GRAMD4: variants seen among roughly 807,000 people sequenced by gnomAD.
GRAMD4 encodes the protein GRAM domain-containing protein 4.
Under a neutral mutation model 83.9 loss-of-function variants are expected in GRAMD4, and 25 were observed. The observed-to-expected ratio is 0.30, with a 90% CI of 0.22 to 0.42. The LOEUF (loss-of-function observed/expected upper bound fraction) is 0.42, where lower values mean the gene tolerates loss of function less well. Ranked by LOEUF, GRAMD4 falls within the 10% of genes least tolerant of loss-of-function variation. The pLI, the probability that GRAMD4 is intolerant of heterozygous loss-of-function variation, is 1.00. For synonymous variants in GRAMD4, 336 were observed against 320.9 expected, an observed-to-expected ratio of 1.05 and a Z score of -0.50; for missense variants, 593 against 788.7, an observed-to-expected ratio of 0.75 and a Z score of 2.97.
At chr22:46,584,956 C>T (rs1272283393) in intron 1 of GRAMD4, among the ~76,000 whole-genome samples, 1 of 152,220 alleles carries the variant, frequency 6.6e-6, no homozygotes, top group East Asian at 1.9e-4. Flanking sequence ...CCAGGTCTGT[C>T]CCCTCTCTGC....
In GRAMD4 at chr22:46,658,451, C is replaced by T. The variant is rs191217532; in HGVS notation, c.404+144C>T. 6.0e-4 allele frequency: 467 copies of T among 772,892 alleles called. 9 individuals carry two copies. The East Asian group carries it at 0.012, about 20-fold the overall frequency. The allele number at this position is 772,892 out of a possible 1,614,324, so 47.9% of individuals were successfully genotyped here. ...AGAGGCCTGAGTGTGAGGGTGGGCC[C>T]GGCTCTGACTGCCCAGGTATAGGTC... is the stretch of plus-strand genomic sequence containing the variant. On this transcript the variant is annotated intron_variant, in intron 4 of 18. Coordinates refer to ENST00000406902, the MANE Select transcript of GRAMD4 (RefSeq NM_015124.5).
In GRAMD4 at chr22:46,679,285, G is replaced by A. The variant is rs2082642882; in HGVS notation, c.*2034G>A. 1.0e-6 allele frequency: 1 copy of A among 985,360 alleles called. No individual in the cohort carries two copies. The highest frequency in any genetic ancestry group is 4.7e-5 in the South Asian group (1 of 21,298). The allele number at this position is 985,360 out of a possible 1,614,324, so 61.0% of individuals were successfully genotyped here. On this transcript the variant is annotated 3_prime_UTR_variant, in exon 19 of 19. Coordinates refer to ENST00000406902, the MANE Select transcript of GRAMD4 (RefSeq NM_015124.5). Reference sequence around the variant, plus strand: ...GATGGGGCTTTACCAGCGTCGGGTGGTTTAGTTCGAGTCCCTTTTGTGGAG... The same window carrying A: ...GATGGGGCTTTACCAGCGTCGGGTGATTTAGTTCGAGTCCCTTTTGTGGAG...
At chr22:46,602,162 T>C (rs138197031) in intron 1 of GRAMD4, among the ~76,000 whole-genome samples, 7 of 152,320 alleles carry the variant, frequency 4.6e-5, no homozygotes, top group Admixed American at 1.3e-4. Context: ...TTTGCTGTCA[T>C]GAAAACGATG....
At position 46,658,277 on chromosome 22, in the gene GRAMD4, AGCAGAAGGT is replaced by A; in HGVS notation, c.379_387del (p.Lys127_Gln129del). The A allele has an allele frequency of 6.2e-7, 1 of 1,612,782 alleles. No individual in the cohort carries two copies. The highest frequency in any genetic ancestry group is 8.5e-7 in the Non-Finnish European group (1 of 1,179,750). Reference sequence around the variant, plus strand: ...GAGCGGCAGCGGCGGATGGAGCTGGAGCAGAAGGTGCAGGAGGTGCTGAAGGCCAGGTAC... The same window carrying A: ...GAGCGGCAGCGGCGGATGGAGCTGGAGCAGGAGGTGCTGAAGGCCAGGTAC... On this transcript the variant is annotated inframe_deletion, in exon 4 of 19. Coordinates refer to ENST00000406902, the MANE Select transcript of GRAMD4 (RefSeq NM_015124.5).
intron 1 of GRAMD4, among the ~76,000 whole-genome samples, chr22:46,587,616 G>A (rs2081163515): frequency 6.6e-6 from 1 of 151,966 alleles, no homozygotes; most frequent in Non-Finnish European, 1.5e-5. Context: ...CAGTGGGCTG[G>A]ATGGGGGTCA....
intron 1 of GRAMD4, among the ~76,000 whole-genome samples, chr22:46,609,347 G>A (rs1230369986): frequency 6.6e-6 from 1 of 152,228 alleles, no homozygotes; most frequent in African/African-American, 2.4e-5. Flanking sequence ...GGGTAGCCCT[G>A]TGTTGGGCTT....
chr22:46,598,931 G>A (rs546707678), intron 1 of GRAMD4, among the ~76,000 whole-genome samples: 1 of 152,048 alleles, frequency 6.6e-6, no homozygotes, highest in Non-Finnish European at 1.5e-5. Context: ...GAGCCGCCCT[G>A]CACCCAGAGG....
upstream of GRAMD4, among the ~76,000 whole-genome samples, chr22:46,576,838 C>T (rs1197019255): frequency 7.5e-5 from 11 of 146,848 alleles, no homozygotes; most frequent in Admixed American, 6.8e-4. Context: ...GCGCGGACGG[C>T]GTGGCCGTGG....
At position 46,672,752 on chromosome 22, in the gene GRAMD4, TG is replaced by T; in HGVS notation, c.1085-88del. 1.0e-6 allele frequency: 1 copy of T among 994,766 alleles called. No homozygotes were observed. The highest frequency in any genetic ancestry group is 1.5e-6 in the Non-Finnish European group (1 of 652,978). 61.6% of individuals were successfully genotyped at this position (994,766 alleles called of 1,614,324 possible). A position where few individuals can be genotyped will look rare whatever the true frequency, so the allele number is the denominator to read the frequency against. ...AGGCTCAGGGTGGAGGGTGCCAATCTGGGAGGTGGGAGGTGCCGGAACCATC... is the reference window on the plus strand; with the variant it reads ...AGGCTCAGGGTGGAGGGTGCCAATCTGGAGGTGGGAGGTGCCGGAACCATC... On this transcript the variant is annotated intron_variant, in intron 13 of 18. Transcript: ENST00000406902. This position sits in a 1 kb window ranked among gnomAD's most constrained non-coding sequence, Gnocchi z 4.7.
intron 1 of GRAMD4, among the ~76,000 whole-genome samples, chr22:46,595,070 C>G (rs2081248039): frequency 6.6e-6 from 1 of 152,100 alleles, no homozygotes; most frequent in Non-Finnish European, 1.5e-5. Flanking sequence ...GGCAAAGCAG[C>G]AGGAAAGTTG....
intron 10 of GRAMD4, 30 bp from the exon 11 acceptor site, chr22:46,668,066 T>C (rs199649952): frequency 1.5e-4 from 230 of 1,501,178 alleles, no homozygotes; most frequent in Non-Finnish European, 2.1e-4. Flanking sequence ...TAAATTTCAG[T>C]GGAAAATTCT....
In GRAMD4 at chr22:46,591,832, C is replaced by CAAAA. The variant is rs34868206; in HGVS notation, c.-50+14559_-50+14562dup. Reference sequence around the variant, plus strand: ...TGGGTGACAGAGCGAGACTCTGTCTCAAAAAAAAAAAAAAAAAAAACCCAG... The same window carrying CAAAA: ...TGGGTGACAGAGCGAGACTCTGTCTCAAAAAAAAAAAAAAAAAAAAAAAACCCAG... On this transcript the variant is annotated intron_variant, in intron 1 of 1. Transcript: ENST00000431155. Among the ~76,000 whole-genome samples the CAAAA allele has an allele frequency of 1.2e-3, 46 of 37,406 alleles. 1 individual carries two copies. The highest frequency in any genetic ancestry group is 6.1e-3 in the African/African-American group (40 of 6,600). The allele number at this position is 37,406 out of a possible 152,430, so 24.5% of individuals were successfully genotyped here. A position where few individuals can be genotyped will look rare whatever the true frequency, so the allele number is the denominator to read the frequency against.
chr22:46,631,202 A>G (rs550277824), intron 2 of GRAMD4, among the ~76,000 whole-genome samples: 3 of 152,374 alleles, frequency 2.0e-5, no homozygotes, highest in African/African-American at 7.2e-5. Context: ...GTCAGTGTGC[A>G]GTTCAGGGGC....
intron 1 of GRAMD4, among the ~76,000 whole-genome samples, chr22:46,605,574 A>G (rs1243861475): frequency 6.6e-6 from 1 of 152,274 alleles, no homozygotes; most frequent in African/African-American, 2.4e-5. Flanking sequence ...CAAACAGTGC[A>G]CAAGGGTTCC....
At position 46,677,207 on chromosome 22, in the gene GRAMD4, T is replaced by C. The variant is rs768645274; in HGVS notation, c.1693T>C (p.Tyr565His). Residue 565 changes from tyrosine (Y) to histidine (H), a missense_variant, in exon 19 of 19, where the codon TAC becomes CAC. Around this residue, in one of 4 missense-constraint regions of GRAMD4, gnomAD observed 74 missense variants for 152.7 expected, o/e 0.48. Coordinates refer to ENST00000406902, the MANE Select transcript of GRAMD4 (RefSeq NM_015124.5). ...DEAFETILSQ[Y>H]IKITSAAASG... is the part of the protein sequence containing the mutation. ...GGCCTTCGAGACCATTCTCAGCCAGTACATCAAGATCACCTCAGCGGCAGC... is the reference window on the plus strand; with the variant it reads ...GGCCTTCGAGACCATTCTCAGCCAGCACATCAAGATCACCTCAGCGGCAGC... The C allele has an allele frequency of 1.2e-6, 2 of 1,613,762 alleles. No homozygotes were observed. The highest frequency in any genetic ancestry group is 1.7e-6 in the Non-Finnish European group (2 of 1,179,886).
intron 1 of GRAMD4, among the ~76,000 whole-genome samples, chr22:46,582,934 T>A (rs953237510): frequency 6.6e-6 from 1 of 152,198 alleles, no homozygotes; most frequent in Non-Finnish European, 1.5e-5. Flanking sequence ...CTCTCTCTTT[T>A]GTCTTTTGAG....
chr22:46,623,243 C>T (rs1248169714), intron 1 of GRAMD4, among the ~76,000 whole-genome samples: 4 of 152,130 alleles, frequency 2.6e-5, no homozygotes, highest in South Asian at 4.2e-4. Flanking sequence ...TGGTGTGTGA[C>T]GTGTTTCCCC....
intron 1 of GRAMD4, among the ~76,000 whole-genome samples, chr22:46,603,511 T>TAA (rs1477778960): frequency 0.74 from 87,336 of 117,554 alleles, 33,844 homozygotes; most frequent in East Asian, 0.98. Context: ...GCCCGGCCTC[T>TAA]TCTCTTTTTT....
At position 46,677,750 on chromosome 22, in the gene GRAMD4, A is replaced by T; in HGVS notation, c.*499A>T. On this transcript the variant is annotated 3_prime_UTR_variant, in exon 19 of 19. Coordinates refer to ENST00000406902, the MANE Select transcript of GRAMD4 (RefSeq NM_015124.5). ...GGGACATGGGGGCCTTTCACCAACC[A>T]CCGAGAAACGGGCCTGGCGGCCCTC... is the stretch of plus-strand genomic sequence containing the variant. 1 of 985,998 alleles carries T rather than the reference A, an allele frequency of 1.0e-6. No homozygotes were observed. The highest frequency in any genetic ancestry group is 1.2e-6 in the Non-Finnish European group (1 of 830,264). The allele number at this position is 985,998 out of a possible 1,614,324, so 61.1% of individuals were successfully genotyped here. A position where few individuals can be genotyped will look rare whatever the true frequency, so the allele number is the denominator to read the frequency against.
Sources: gnomAD v4.1 joint callset for allele counts (sites outside exome capture counted in the v4.1 genomes callset) on GRCh38, gnomAD v4.1.1 for gene constraint, gnomAD v4.1.1 regional missense constraint, Gnocchi (gnomAD v3.1) non-coding constraint, MANE v1.5 for transcripts, NCBI Gene and HGNC (gene_info 2026-07-23, HGNC 2026-07-21) for gene names.